Variants in MRC1 observed in about 807,000 individuals in gnomAD.
MRC1 encodes the protein macrophage mannose receptor 1.
In MRC1, 62 loss-of-function variants were observed where a neutral mutation model predicts 102.9. That is an observed-to-expected ratio of 0.60 (90% confidence interval 0.49 to 0.74). MRC1 has a LOEUF of 0.74. Among genes scored for constraint, MRC1 ranks in the 30% least tolerant of loss-of-function variants. The pLI is 0.00. For missense variants in MRC1, 1,237 were observed against 862.8 expected (o/e 1.43, Z -5.43); for synonymous variants, 457 against 298.4 (o/e 1.53, Z -5.48).
intron 11 of MRC1, among the ~76,000 whole-genome samples, chr10:17,864,462 A>G (rs987902441): frequency 5.0e-5 from 7 of 140,638 alleles, no homozygotes; most frequent in Admixed American, 1.3e-4. Context: ...TACCATGTTT[A>G]GTCTTTTATT....
rs868933212 is a variant in MRC1 at position 17,875,367 on chromosome 10, C to T, written c.2550+114C>T. ...TTCTGAGATTTTGGTACACCCGTCA[C>T]CTGAGCAGTATACGCTGTACTGAAT... On this transcript the variant is annotated intron_variant, in intron 17 of 29. Coordinates refer to ENST00000569591, the MANE Select transcript of MRC1 (RefSeq NM_002438.4). 4,924 of 735,120 alleles carry T rather than the reference C, an allele frequency of 6.7e-3. 164 individuals carry two copies. In the African/African-American group the frequency reaches 0.075, roughly 11 times the overall value. 45.5% of individuals were successfully genotyped at this position (735,120 alleles called of 1,614,324 possible). A position where few individuals can be genotyped will look rare whatever the true frequency, so the allele number is the denominator to read the frequency against.
chr10:17,845,445 C>G lies in MRC1; in HGVS notation c.1063+10C>G. On this transcript the variant is annotated intron_variant, in intron 6 of 29. Coordinates refer to ENST00000569591, the MANE Select transcript of MRC1 (RefSeq NM_002438.4). ...TTTGTTATTCCCTCAGGTAAGTGAT[C>G]TATGGGATCTGAAGTGCCTCAACTA... The G allele has an allele frequency of 3.8e-6, 3 of 780,774 alleles. No individual in the cohort carries two copies. Among genetic ancestry groups the G allele is most frequent in the Non-Finnish European group, 2.4e-6 (1 of 417,928 alleles). 48.4% of individuals were successfully genotyped at this position (780,774 alleles called of 1,614,324 possible).
intron 4 of MRC1, among the ~76,000 whole-genome samples, chr10:17,834,653 A>T (rs1172418890): frequency 1.3e-5 from 2 of 152,182 alleles, no homozygotes; most frequent in African/African-American, 2.4e-5. Context: ...GCCTCAGGTG[A>T]TCCACCTGCC....
At chr10:17,814,847 T>C (rs1478667867) in intron 1 of MRC1, among the ~76,000 whole-genome samples, 1 of 151,870 alleles carries the variant, frequency 6.6e-6, no homozygotes. Context: ...GTATTTTTAG[T>C]AGAGACGGGA....
intron 15 of MRC1, among the ~76,000 whole-genome samples, 187 bp downstream of exon 15, chr10:17,872,313 A>G (rs1225848675): frequency 6.6e-6 from 1 of 152,224 alleles, no homozygotes; most frequent in Admixed American, 6.5e-5. Flanking sequence ...GGAACAGAGA[A>G]GATCAAAAGG....
intron 4 of MRC1, among the ~76,000 whole-genome samples, chr10:17,835,251 TTATTAG>T: frequency 6.6e-6 from 1 of 152,226 alleles, no homozygotes; most frequent in East Asian, 1.9e-4. Context: ...ATTACCACTT[TTATTAG>T]TATAATAGCT....
At chr10:17,905,961 A>G (rs892623129) in intron 26 of MRC1, among the ~76,000 whole-genome samples, 3 of 152,210 alleles carry the variant, frequency 2.0e-5, no homozygotes, top group Non-Finnish European at 4.4e-5. Context: ...TGAAATGCTT[A>G]AAAGATATTA....
chr10:17,829,424 C>G (rs1399455112), intron 3 of MRC1, among the ~76,000 whole-genome samples: 1 of 151,360 alleles, frequency 6.6e-6, no homozygotes, highest in Non-Finnish European at 1.5e-5. Context: ...CTCTCCAATC[C>G]GAATGAATAC....
At chr10:17,889,007 A>G (rs1054383263) in intron 22 of MRC1, among the ~76,000 whole-genome samples, 2 of 152,206 alleles carry the variant, frequency 1.3e-5, no homozygotes, top group African/African-American at 2.4e-5. Context: ...CCGCTAGATC[A>G]TTACGTAATG....
At chr10:17,864,895 C>A (rs1833241331) in intron 11 of MRC1, among the ~76,000 whole-genome samples, 1 of 151,182 alleles carries the variant, frequency 6.6e-6, no homozygotes, top group Admixed American at 6.6e-5. Context: ...TAGAAAGCTT[C>A]CAAGCATGGA....
At chr10:17,875,411 C>T (rs1833416418) in intron 17 of MRC1, among the ~76,000 whole-genome samples, 158 bp downstream of exon 17, 1 of 152,188 alleles carries the variant, frequency 6.6e-6, no homozygotes, top group Admixed American at 6.5e-5. Context: ...TTTTATCCCT[C>T]ACAACCTTCT....
In MRC1 at chr10:17,819,143, C is replaced by T. The variant is rs575515702; in HGVS notation, c.62-3931C>T. Among the ~76,000 whole-genome samples the T allele has an allele frequency of 5.9e-5, 9 of 152,242 alleles. No individual in the cohort carries two copies. The East Asian group carries it at 1.2e-3, about 20-fold the overall frequency. ...AGAATTTTACTATTGAGTGAACATT[C>T]AACCAGAATGTGGTGTACATCGCAG... On this transcript the variant is annotated intron_variant, in intron 1 of 29. Transcript: ENST00000569591.
chr10:17,814,677 CTTTTTTTTTTTTTTT>C (rs1179816829), intron 1 of MRC1, among the ~76,000 whole-genome samples: 57 of 85,124 alleles, frequency 6.7e-4, no homozygotes, highest in Non-Finnish European at 1.1e-3. Context: ...TTCCGTCCCT[CTTTTTTTTTTTTTTT>C]TTTTTTTTTT....
intron 3 of MRC1, among the ~76,000 whole-genome samples, chr10:17,831,092 T>A (rs1158644288): frequency 4.7e-5 from 7 of 150,062 alleles, no homozygotes; most frequent in Admixed American, 2.0e-4. Context: ...GAGACGGAGT[T>A]TCACCATGTT....
chr10:17,836,974 C>A (rs1240853268), intron 4 of MRC1, among the ~76,000 whole-genome samples: 3 of 152,090 alleles, frequency 2.0e-5, no homozygotes, highest in African/African-American at 4.8e-5. Context: ...CTCTTGGAAG[C>A]CTGGGGACAG....
At chr10:17,889,828 T>A (rs1180297609) in intron 22 of MRC1, among the ~76,000 whole-genome samples, 2 of 152,218 alleles carry the variant, frequency 1.3e-5, no homozygotes, top group Non-Finnish European at 2.9e-5. Flanking sequence ...ACAACAACTA[T>A]AGTTGTTTGA....
chr10:17,822,286 T>C (rs941434733), intron 1 of MRC1, among the ~76,000 whole-genome samples: 1 of 152,218 alleles, frequency 6.6e-6, no homozygotes, highest in Non-Finnish European at 1.5e-5. Context: ...TATTAAATTA[T>C]TAACAAATAA....
intron 17 of MRC1, among the ~76,000 whole-genome samples, 171 bp from the exon 18 acceptor site, chr10:17,877,729 A>AT (rs1284916328): frequency 0.059 from 8,954 of 151,312 alleles, 361 homozygotes; most frequent in South Asian, 0.1. Context: ...AATTGTGTGC[A>AT]TTTTTTTTTA....
chr10:17,824,882 G>C (rs968539032), intron 2 of MRC1, among the ~76,000 whole-genome samples: 2,632 of 152,134 alleles, frequency 0.017, 41 homozygotes, highest in South Asian at 0.07. Context: ...CATAGGGTTT[G>C]GGCTAATAGT....
Sources: allele counts gnomAD v4.1 joint callset (sites outside exome capture counted in the v4.1 genomes callset), GRCh38; gene constraint gnomAD v4.1.1; transcripts MANE v1.5; gene names NCBI Gene and HGNC (gene_info 2026-07-23, HGNC 2026-07-21).